PDE7B: variants seen among roughly 807,000 people sequenced by gnomAD.
PDE7B encodes phosphodiesterase 7B.
Under a neutral mutation model 56.2 loss-of-function variants are expected in PDE7B, and 29 were observed. That is an observed-to-expected ratio of 0.52 (90% CI 0.38 to 0.70). The LOEUF (loss-of-function observed/expected upper bound fraction) is 0.70. PDE7B is among the 30% of genes least tolerant of loss of function. PDE7B has a pLI of 0.00. For missense variants in PDE7B, 490 were observed against 565.0 expected, an observed-to-expected ratio of 0.87 and a Z score of 1.35; for synonymous variants, 197 against 196.9, an observed-to-expected ratio of 1.00 and a Z score of 0.00.
chr6:136,191,624 C>A lies in PDE7B; in HGVS notation c.1137C>A (p.Ser379Arg). The change falls in exon 13 of 13, where the codon AGC becomes AGA. Residue 379 changes from serine (S) to arginine (R), a missense_variant. Transcript: ENST00000308191. ...ACTTGCCTGTTCTAGGTTTCATGAG[C>A]TACATCGTGGAGCCGCTCTTCCGGG... The part of the protein sequence containing the change: ...SIPSIQIGFM[S>R]YIVEPLFREW... 1.9e-6 allele frequency: 3 copies of A among 1,613,888 alleles called. No individual in the cohort carries two copies. Among genetic ancestry groups the A allele is most frequent in the Non-Finnish European group, 2.5e-6 (3 of 1,179,812 alleles).
At chr6:135,938,434 G>C (rs1774456517) in intron 1 of PDE7B, among the ~76,000 whole-genome samples, 1 of 152,176 alleles carries the variant, frequency 6.6e-6, no homozygotes, top group South Asian at 2.1e-4. Context: ...GTCTGCTACA[G>C]GAAAATTCCC....
chr6:135,948,760 A>G (rs1000660885), intron 2 of PDE7B, among the ~76,000 whole-genome samples: 6 of 151,916 alleles, frequency 3.9e-5, no homozygotes, highest in Admixed American at 3.3e-4. Flanking sequence ...CATTGCATCC[A>G]TACACCCATT....
intron 2 of PDE7B, among the ~76,000 whole-genome samples, chr6:136,079,243 A>G (rs1370101841): frequency 2.0e-5 from 3 of 152,132 alleles, no homozygotes; most frequent in African/African-American, 7.2e-5. Flanking sequence ...AAACAATGAG[A>G]TAAACTTCCA....
intron 1 of PDE7B, among the ~76,000 whole-genome samples, chr6:135,924,049 A>G (rs1774138805): frequency 6.6e-6 from 1 of 152,226 alleles, no homozygotes; most frequent in Non-Finnish European, 1.5e-5. Flanking sequence ...AAATGTAAAA[A>G]CAATTAGTGA....
intron 1 of PDE7B, among the ~76,000 whole-genome samples, chr6:135,910,287 C>A (rs1367554316): frequency 6.6e-6 from 1 of 152,190 alleles, no homozygotes; most frequent in Non-Finnish European, 1.5e-5. Context: ...GGTGTTGGGA[C>A]AATCTTGGTA....
chr6:136,099,445 C>T (rs2128216994), intron 2 of PDE7B, among the ~76,000 whole-genome samples: 1 of 152,242 alleles, frequency 6.6e-6, no homozygotes, highest in East Asian at 1.9e-4. Context: ...CTGTTGTTTC[C>T]TGACTTTTTA....
At chr6:136,053,264 T>A (rs2128211494) in intron 2 of PDE7B, among the ~76,000 whole-genome samples, 1 of 138,842 alleles carries the variant, frequency 7.2e-6, no homozygotes, top group Non-Finnish European at 1.5e-5. Flanking sequence ...TGTGTCCATG[T>A]GTTCTTATTG....
In PDE7B at chr6:136,009,659, C is replaced by T. The variant is rs150693641; in HGVS notation, c.82+62135C>T. Among the ~76,000 whole-genome samples, 256 of 152,270 alleles carry T rather than the reference C, an allele frequency of 1.7e-3. 2 individuals are homozygous for T. In the East Asian group the frequency reaches 0.028, roughly 17 times the overall value. On this transcript the variant is annotated intron_variant, in intron 2 of 12. Coordinates refer to ENST00000308191, the MANE Select transcript of PDE7B (RefSeq NM_018945.4). ...TGTCTGTTATTGATGTATAAGAATG[C>T]TTGTGATTTTTGCACATTGATTTTG...
At chr6:136,142,619 A>C (rs1378019872) in intron 3 of PDE7B, among the ~76,000 whole-genome samples, 1 of 152,160 alleles carries the variant, frequency 6.6e-6, no homozygotes, top group Non-Finnish European at 1.5e-5. Flanking sequence ...GACTTGCTTT[A>C]TGAATCTGGG....
At chr6:136,003,495 C>A (rs888843781) in intron 2 of PDE7B, among the ~76,000 whole-genome samples, 2 of 151,916 alleles carry the variant, frequency 1.3e-5, no homozygotes, top group East Asian at 1.9e-4. Flanking sequence ...ATCAAATAGA[C>A]GCAATAAAAA....
chr6:135,901,378 T>C (rs918015006), intron 1 of PDE7B, among the ~76,000 whole-genome samples: 10 of 152,230 alleles, frequency 6.6e-5, no homozygotes, highest in Non-Finnish European at 1.5e-4. Flanking sequence ...TAATTACTCA[T>C]ATTTTAATAA....
intron 3 of PDE7B, among the ~76,000 whole-genome samples, chr6:136,137,873 ATG>A (rs571675876): frequency 3.2e-4 from 49 of 152,164 alleles, no homozygotes; most frequent in Non-Finnish European, 6.2e-4. Context: ...TAGTGCAAAA[ATG>A]TGTTAATATG....
chr6:136,030,311 A>G (rs1776225919), intron 2 of PDE7B, among the ~76,000 whole-genome samples: 2 of 152,254 alleles, frequency 1.3e-5, no homozygotes, highest in African/African-American at 4.8e-5. Context: ...CTGGTCTTCC[A>G]GCTGATTTCA....
chr6:136,009,255 A>C (rs1775844633), intron 2 of PDE7B, among the ~76,000 whole-genome samples: 2 of 151,764 alleles, frequency 1.3e-5, no homozygotes, highest in South Asian at 4.2e-4. Context: ...GTATAGTTTG[A>C]AGTCAGGTAG....
intron 3 of PDE7B, among the ~76,000 whole-genome samples, chr6:136,135,204 G>T (rs1334915571): frequency 6.6e-6 from 1 of 152,018 alleles, no homozygotes; most frequent in African/African-American, 2.4e-5. Flanking sequence ...TAACTTTTGA[G>T]TTCCTTTAAG....
chr6:136,019,847 A>C (rs528389459), intron 2 of PDE7B, among the ~76,000 whole-genome samples: 9 of 152,332 alleles, frequency 5.9e-5, no homozygotes, highest in African/African-American at 2.2e-4. Context: ...ATTATGTGGA[A>C]GTGGATCATC....
At chr6:136,160,021 C>CA (rs1170825811) in intron 8 of PDE7B, among the ~76,000 whole-genome samples, 1 of 152,050 alleles carries the variant, frequency 6.6e-6, no homozygotes, top group Non-Finnish European at 1.5e-5. Context: ...CTTGATAATT[C>CA]AGGCACAAAG....
At chr6:136,124,515 A>T (rs1186432717) in intron 3 of PDE7B, among the ~76,000 whole-genome samples, 1 of 152,228 alleles carries the variant, frequency 6.6e-6, no homozygotes, top group Non-Finnish European at 1.5e-5. Context: ...AAGTGTCCAC[A>T]TCCCCTGAGG....
chr6:136,194,671 T>TG lies in PDE7B; in HGVS notation c.*2831_*2832insG, dbSNP rs1386708030. The TG allele has an allele frequency of 6.6e-6, 1 of 152,246 alleles. No homozygotes were observed. The highest frequency in any genetic ancestry group is 1.9e-4 in the East Asian group (1 of 5,186). The allele number at this position is 152,246 out of a possible 1,614,324, so 9.4% of individuals were successfully genotyped here. On this transcript the variant is annotated 3_prime_UTR_variant, in exon 13 of 13. Coordinates refer to ENST00000308191, the MANE Select transcript of PDE7B (RefSeq NM_018945.4). ...ACTTTGGGAGGCCAAGTTGGGCAGA[T>TG]CACAAGTTCAAGAGATCGAGACCAT...
Sources: gnomAD v4.1 joint callset for allele counts (sites outside exome capture counted in the v4.1 genomes callset) on GRCh38, gnomAD v4.1.1 for gene constraint, MANE v1.5 for transcripts, NCBI Gene and HGNC (gene_info 2026-07-23, HGNC 2026-07-21) for gene names.